Variants in OR2C1 observed in about 807,000 individuals in gnomAD.
OR2C1 encodes olfactory receptor family 2 subfamily C member 1.
For synonymous variants in OR2C1, 209 were observed against 167.3 expected, an observed-to-expected ratio of 1.25 and a Z score of -1.92; for missense variants, 468 against 388.3, an observed-to-expected ratio of 1.21 and a Z score of -1.73.
chr16:3,344,516 A>G, the OR2C1 span, among the ~76,000 whole-genome samples: 8 of 152,174 alleles, frequency 5.3e-5, no homozygotes, highest in East Asian at 1.9e-4. Context: ...TCACGAGGTC[A>G]GGAGATCGAG....
upstream of OR2C1, among the ~76,000 whole-genome samples, chr16:3,352,271 C>A (rs995893105): frequency 6.6e-5 from 10 of 151,980 alleles, no homozygotes; most frequent in Admixed American, 1.3e-4. Context: ...CGCCCACCAC[C>A]ACGCCCGCCT....
chr16:3,323,496 T>C, the OR2C1 span: 2 of 737,996 alleles, frequency 2.7e-6, no homozygotes, highest in Non-Finnish European at 4.9e-6. Context: ...GACTTCAGAT[T>C]TGGAAATCCC....
At position 3,357,031 on chromosome 16, in the gene OR2C1, A is replaced by G; in HGVS notation, c.*152A>G. On this transcript the variant is annotated 3_prime_UTR_variant, in exon 1 of 1. Coordinates refer to ENST00000304936, the MANE Select transcript of OR2C1 (RefSeq NM_012368.3). Reference sequence around the variant, plus strand: ...AGCTGACAGCCCTAAGCTGTTGGGAACATGGTTAGTGTTATTCGTAATGTT... The same window carrying G: ...AGCTGACAGCCCTAAGCTGTTGGGAGCATGGTTAGTGTTATTCGTAATGTT... 2 of 673,552 alleles carry G rather than the reference A, an allele frequency of 3.0e-6. No homozygotes were observed. Among genetic ancestry groups the G allele is most frequent in the Middle Eastern group, 4.2e-4 (1 of 2,396 alleles). 41.7% of individuals were successfully genotyped at this position (673,552 alleles called of 1,614,324 possible).
the OR2C1 span, among the ~76,000 whole-genome samples, chr16:3,343,770 C>T: frequency 5.3e-5 from 8 of 151,942 alleles, no homozygotes; most frequent in Non-Finnish European, 1.2e-4. Flanking sequence ...AAATAAAACC[C>T]TAAAAGCACA....
chr16:3,324,768 C>T, the OR2C1 span, among the ~76,000 whole-genome samples: 6 of 152,154 alleles, frequency 3.9e-5, no homozygotes, highest in South Asian at 1.0e-3. Flanking sequence ...CACACACACA[C>T]GTATATATAT....
the OR2C1 span, among the ~76,000 whole-genome samples, chr16:3,327,145 T>TA: frequency 6.6e-6 from 1 of 152,138 alleles, no homozygotes; most frequent in Non-Finnish European, 1.5e-5. Context: ...ATCAAACATA[T>TA]ATATAATTAT....
the OR2C1 span, among the ~76,000 whole-genome samples, chr16:3,340,102 A>G: frequency 9.9e-5 from 15 of 152,146 alleles, no homozygotes; most frequent in Admixed American, 7.2e-4. Flanking sequence ...AACATGGTGA[A>G]ACCCCATCTC....
chr16:3,325,572 A>G, the OR2C1 span, among the ~76,000 whole-genome samples: 1 of 150,156 alleles, frequency 6.7e-6, no homozygotes, highest in African/African-American at 2.4e-5. Flanking sequence ...GCAGCGATAG[A>G]CTTGCTCATC....
chr16:3,325,245 G>A, the OR2C1 span, among the ~76,000 whole-genome samples: 6 of 151,966 alleles, frequency 3.9e-5, no homozygotes, highest in Non-Finnish European at 5.9e-5. Context: ...GCCTCCCAAT[G>A]TGCTGGGATT....
the OR2C1 span, among the ~76,000 whole-genome samples, chr16:3,330,417 A>C: frequency 1.3e-5 from 2 of 152,110 alleles, no homozygotes; most frequent in Non-Finnish European, 2.9e-5. Flanking sequence ...TGCCCGGCTG[A>C]TTTTAAGACT....
At chr16:3,330,296 T>C in the OR2C1 span, among the ~76,000 whole-genome samples, 91 of 151,868 alleles carry the variant, frequency 6.0e-4, 1 homozygote, top group South Asian at 0.018. Flanking sequence ...TTTTTCTTTT[T>C]TAGTAGAGAC....
At chr16:3,337,237 C>G in the OR2C1 span, among the ~76,000 whole-genome samples, 3 of 152,022 alleles carry the variant, frequency 2.0e-5, no homozygotes, top group Admixed American at 6.6e-5. Context: ...TCACTGCAAC[C>G]TGCACCTCCT....
chr16:3,338,157 A>G, the OR2C1 span, among the ~76,000 whole-genome samples: 1 of 152,190 alleles, frequency 6.6e-6, no homozygotes, highest in Non-Finnish European at 1.5e-5. Context: ...TTGCTGCAGC[A>G]TGGTGCAGCT....
At chr16:3,337,085 C>A in the OR2C1 span, among the ~76,000 whole-genome samples, 1 of 151,732 alleles carries the variant, frequency 6.6e-6, no homozygotes, top group Admixed American at 6.6e-5. Flanking sequence ...GAACTCCTGA[C>A]CTCAGGTGAT....
the OR2C1 span, among the ~76,000 whole-genome samples, chr16:3,346,726 TTCAA>T: frequency 2.3e-4 from 34 of 147,612 alleles, no homozygotes; most frequent in African/African-American, 6.0e-4. Context: ...GCCTCCTGGG[TTCAA>T]TCAATTTTCC....
At chr16:3,323,004 G>A in the OR2C1 span, 2 of 821,032 alleles carry the variant, frequency 2.4e-6, no homozygotes, top group Non-Finnish European at 2.9e-6. Context: ...GAACTGGACT[G>A]TGATGAGAGG....
chr16:3,327,597 G>A, the OR2C1 span, among the ~76,000 whole-genome samples: 6 of 150,902 alleles, frequency 4.0e-5, no homozygotes, highest in South Asian at 2.1e-4. Flanking sequence ...AGAGTGGTCC[G>A]GAAGGGATAC....
At chr16:3,344,429 A>G in the OR2C1 span, among the ~76,000 whole-genome samples, 1 of 152,180 alleles carries the variant, frequency 6.6e-6, no homozygotes, top group Non-Finnish European at 1.5e-5. Context: ...AGATTGGCAT[A>G]CATTAGAAAA....
At chr16:3,330,528 G>C in the OR2C1 span, among the ~76,000 whole-genome samples, 1 of 152,250 alleles carries the variant, frequency 6.6e-6, no homozygotes, top group South Asian at 2.1e-4. Context: ...GACCCGCATA[G>C]ATAAAGCCAA....
Sources: gnomAD v4.1 joint callset for allele counts (sites outside exome capture counted in the v4.1 genomes callset) on GRCh38, gnomAD v4.1.1 for gene constraint, MANE v1.5 for transcripts, NCBI Gene and HGNC (gene_info 2026-07-23, HGNC 2026-07-21) for gene names.